The following SLX4 variants were observed in gnomAD, a reference collection of about 807,000 sequenced individuals.
The protein encoded by SLX4 is SLX4 structure-specific endonuclease subunit, also known as structure-specific endonuclease subunit SLX4.
A neutral mutation model predicts 146.2 loss-of-function variants in SLX4; 112 were observed. The ratio of observed to expected loss-of-function variants is 0.77; its 90% CI spans 0.66 to 0.90. The LOEUF is 0.90. SLX4 is among the 40% of genes least tolerant of loss of function. The pLI is 0.00. For synonymous variants in SLX4, 1,061 were observed against 997.7 expected (o/e 1.06, Z -1.20); for missense variants, 2,563 against 2,392.7 (o/e 1.07, Z -1.49).
chr16:3,585,894 T>G (rs1445693251), intron 12 of SLX4, among the ~76,000 whole-genome samples: 2 of 151,096 alleles, frequency 1.3e-5, no homozygotes, highest in Non-Finnish European at 2.9e-5. Flanking sequence ...TTCCAGCTAC[T>G]CGGGAGGCTG....
Position 3,594,579 on chromosome 16 carries a change from A to C in SLX4, c.2034T>G (p.Val678=), listed in dbSNP as rs200278096. 6.1e-5 allele frequency: 99 copies of C among 1,614,098 alleles called. No homozygotes were observed. In the East Asian group the frequency reaches 2.1e-3, roughly 35 times the overall value. The change falls in exon 10 of 15, where the codon GTT becomes GTG. Residue 678 remains valine (V), a synonymous_variant. Coordinates refer to ENST00000294008, the MANE Select transcript of SLX4 (RefSeq NM_032444.4). Reference sequence around the variant, plus strand: ...TATTGACCATGGCGCCAAAGTCAGCAACCAGCAGCCCGAGGGAGAGCTGAA... The same window carrying C: ...TATTGACCATGGCGCCAAAGTCAGCCACCAGCAGCCCGAGGGAGAGCTGAA... ...GRTLLSLGLL[V]ADFGAMVNNP...
chr16:3,600,334 C>G (rs1289504698), intron 5 of SLX4, among the ~76,000 whole-genome samples: 2 of 152,122 alleles, frequency 1.3e-5, no homozygotes, highest in African/African-American at 4.8e-5. Flanking sequence ...CGGTACTGGT[C>G]CGAGGCTGGG....
intron 12 of SLX4, 104 bp from the exon 13 acceptor site, chr16:3,584,975 C>G (rs1394974240): frequency 4.5e-6 from 4 of 898,734 alleles, no homozygotes; most frequent in Middle Eastern, 2.2e-4. Flanking sequence ...TGAAGATAAC[C>G]CAAGCATCGT....
At chr16:3,594,078 A>AGCCG (rs1258093616) in intron 10 of SLX4, among the ~76,000 whole-genome samples, 2 of 152,018 alleles carry the variant, frequency 1.3e-5, no homozygotes, top group Non-Finnish European at 2.9e-5. Context: ...TCACTGTGTT[A>AGCCG]GGATGGTCTT....
chr16:3,597,296 G>A lies in SLX4; in HGVS notation c.1683+83C>T. ...TTCCTTCCTGGACTTTCCATCACCT[G>A]GCTGTGGGTACCCAGTGTTGCAGTT... On this transcript the variant is annotated intron_variant, in intron 7 of 14. Transcript: ENST00000294008. The surrounding 1 kb of genome is among the most constrained non-coding windows in gnomAD (Gnocchi z 4.4). The A allele has an allele frequency of 7.1e-7, 1 of 1,413,954 alleles. No homozygotes were observed. The highest frequency in any genetic ancestry group is 2.5e-5 in the East Asian group (1 of 39,894). 87.6% of individuals were successfully genotyped at this position (1,413,954 alleles called of 1,614,324 possible).
chr16:3,589,277 G>A lies in SLX4; in HGVS notation c.4361C>T (p.Pro1454Leu). 6.3e-7 allele frequency: 1 copy of A among 1,596,092 alleles called. No homozygotes were observed. Among genetic ancestry groups the A allele is most frequent in the Non-Finnish European group, 8.6e-7 (1 of 1,169,506 alleles). The change falls in exon 12 of 15, where the codon CCC becomes CTC. Residue 1454 changes from proline to leucine, a missense_variant. By Grantham distance (98) the Pro-to-Leu change is moderately conservative. Transcript: ENST00000294008. The surrounding 1 kb of genome is among the most constrained non-coding windows in gnomAD (Gnocchi z 6.2). ...ERTGPLSTSS[P>L]SRRMNEAADS... ...GGCGGCCTCGTTCATCCTGCGGCTG[G>A]GGCTGCTGGTGCTCAGGGGGCCGGT...
Position 3,582,422 on chromosome 16 carries a change from T to C in SLX4, c.5425A>G (p.Thr1809Ala), listed in dbSNP as rs1032558172. The change falls in exon 15 of 15, where the codon ACC becomes GCC. Residue 1809 changes from threonine (T) to alanine (A), a missense_variant. By Grantham distance (58) the Thr-to-Ala change is moderately conservative. Coordinates refer to ENST00000294008, the MANE Select transcript of SLX4 (RefSeq NM_032444.4). The stretch of plus-strand genomic sequence containing the variant: ...TTCTCCCTGCGGGTGGCGGCAGTGG[T>C]GAAGGTGATACAGTGGGTGTCCAGG... ...DFLDTHCITFTTAATRREKLQ... is the reference protein window; with the variant it reads ...DFLDTHCITFATAATRREKLQ... 9 of 1,613,710 alleles carry C rather than the reference T, an allele frequency of 5.6e-6. No individual in the cohort carries two copies. The highest frequency in any genetic ancestry group is 6.8e-6 in the Non-Finnish European group (8 of 1,180,006).
Position 3,606,573 on chromosome 16 carries a change from G to C in SLX4, c.661C>G (p.Pro221Ala). The change falls in exon 3 of 15, where the codon CCC becomes GCC. Residue 221 changes from proline to alanine, a missense_variant. Physicochemically the swap from Pro to Ala is conservative, Grantham distance 27. Coordinates refer to ENST00000294008, the MANE Select transcript of SLX4 (RefSeq NM_032444.4). ...TCTGAAGCGTGTCTCAAACGCTCGGGGTCTGCTCTCTTGAACTGCTGCATT... is the reference window on the plus strand; with the variant it reads ...TCTGAAGCGTGTCTCAAACGCTCGGCGTCTGCTCTCTTGAACTGCTGCATT... Reference protein sequence around the residue: ...QRMQQFKRADPERLRHASEEC... With the variant: ...QRMQQFKRADAERLRHASEEC... The C allele has an allele frequency of 1.9e-6, 3 of 1,614,120 alleles. No individual in the cohort carries two copies. Among genetic ancestry groups the C allele is most frequent in the South Asian group, 2.2e-5 (2 of 91,086 alleles).
chr16:3,605,680 G>A (rs1426477035), intron 3 of SLX4, among the ~76,000 whole-genome samples: 1 of 151,820 alleles, frequency 6.6e-6, no homozygotes, highest in Non-Finnish European at 1.5e-5. Flanking sequence ...AGGCACAGTG[G>A]CTCACGCCTG....
At position 3,606,528 on chromosome 16, in the gene SLX4, C is replaced by T. The variant is rs1198376280; in HGVS notation, c.706G>A (p.Ala236Thr). The T allele has an allele frequency of 6.2e-7, 1 of 1,614,256 alleles. No individual in the cohort carries two copies. The highest frequency in any genetic ancestry group is 8.5e-7 in the Non-Finnish European group (1 of 1,180,054). The change falls in exon 3 of 15, where the codon GCG becomes ACG. Residue 236 changes from alanine (A) to threonine (T), a missense_variant. Ala to Thr is a moderately conservative substitution (Grantham distance 58). Coordinates refer to ENST00000294008, the MANE Select transcript of SLX4 (RefSeq NM_032444.4). ...HASEECSLEA[A>T]REENVPKDPQ... ...TCCTTTGGGACATTTTCTTCCCGCG[C>T]AGCCTCGAGGGAGCACTCTTCTGAA...
chr16:3,596,615 AG>A (rs969479756), intron 7 of SLX4, among the ~76,000 whole-genome samples: 1 of 152,198 alleles, frequency 6.6e-6, no homozygotes, highest in Non-Finnish European at 1.5e-5. Flanking sequence ...GTCACGGCCA[AG>A]GCCAGGCCTG....
intron 10 of SLX4, among the ~76,000 whole-genome samples, chr16:3,593,508 G>A (rs909890785): frequency 3.3e-5 from 5 of 152,202 alleles, no homozygotes; most frequent in Non-Finnish European, 7.3e-5. Context: ...ATGAGCCGCC[G>A]TGCCTGGTCC....
rs771963121 is a variant in SLX4 at position 3,608,615 on chromosome 16, G to T, written c.350C>A (p.Ala117Asp). 1.2e-6 allele frequency: 2 copies of T among 1,614,168 alleles called. No individual in the cohort carries two copies. The highest frequency in any genetic ancestry group is 1.7e-6 in the Non-Finnish European group (2 of 1,180,028). Residue 117 changes from alanine to aspartate, a missense_variant, in exon 2 of 15, where the codon GCC (alanine) becomes GAC (aspartate). By Grantham distance (126) the Ala-to-Asp change is moderately radical. Coordinates refer to ENST00000294008, the MANE Select transcript of SLX4 (RefSeq NM_032444.4). Reference sequence around the variant, plus strand: ...TACCCTTTGCTTTTTAGTCCTAGGGGCCTGGCTGCCAGACGGAGGTTTCTT... The same window carrying T: ...TACCCTTTGCTTTTTAGTCCTAGGGTCCTGGCTGCCAGACGGAGGTTTCTT... ...AEKKPPSGSQ[A>D]PRTKKQRVTK...
At position 3,594,498 on chromosome 16, in the gene SLX4, GGCGTAAA is replaced by G; in HGVS notation, c.2108_2114del (p.Leu703ProfsTer17). ...ATCGGGCATAAAGCACGAACTTGTG[GGCGTAAA>G]GCACCTCCCCGCTGTCCGTCTGAAA... On this transcript the variant is annotated frameshift_variant, in exon 10 of 15. Coordinates refer to ENST00000294008, the MANE Select transcript of SLX4 (RefSeq NM_032444.4). LOFTEE classifies it high-confidence loss of function. 1 of 1,614,086 alleles carries G rather than the reference GGCGTAAA, an allele frequency of 6.2e-7. No homozygotes were observed. The highest frequency in any genetic ancestry group is 8.5e-7 in the Non-Finnish European group (1 of 1,180,000).
chr16:3,602,796 C>T (rs958081402), intron 3 of SLX4, among the ~76,000 whole-genome samples: 11 of 152,202 alleles, frequency 7.2e-5, no homozygotes, highest in African/African-American at 2.4e-4. Flanking sequence ...CATGATAAAA[C>T]CAGGGCAGAG....
In SLX4 at chr16:3,601,017, T is replaced by C. The variant is rs369510675; in HGVS notation, c.1125A>G (p.Thr375=). The C allele has an allele frequency of 3.7e-6, 6 of 1,613,934 alleles. No individual in the cohort carries two copies. The highest frequency in any genetic ancestry group is 5.1e-6 in the Non-Finnish European group (6 of 1,180,030). ...QLLLQAVRLQ[T]AQPEGSSSPP... is the part of the protein sequence containing the mutation. ...GGCTGCTGCTACCCTCAGGCTGTGC[T>C]GTCTGCAGCCGCACAGCCTGAAGCA... The change falls in exon 5 of 15, where the codon ACA becomes ACG. Residue 375 remains threonine, a synonymous_variant. Coordinates refer to ENST00000294008, the MANE Select transcript of SLX4 (RefSeq NM_032444.4).
chr16:3,582,084 G>A lies in SLX4; in HGVS notation c.*258C>T. The A allele has an allele frequency of 7.0e-6, 4 of 574,984 alleles. No homozygotes were observed. The highest frequency in any genetic ancestry group is 1.2e-5 in the Non-Finnish European group (4 of 322,430). 35.6% of individuals were successfully genotyped at this position (574,984 alleles called of 1,614,324 possible). A position where few individuals can be genotyped will look rare whatever the true frequency, so the allele number is the denominator to read the frequency against. On this transcript the variant is annotated 3_prime_UTR_variant, in exon 15 of 15. Transcript: ENST00000294008. ...AAAACCAAAAAGGGAGACACACTGT[G>A]AGCACGGACAGAGGAAGGGGCTGGA...
At position 3,589,423 on chromosome 16, in the gene SLX4, G is replaced by C; in HGVS notation, c.4215C>G (p.Ala1405=). ...GGGGGCTTCTGTTGGCCTGATGGGA[G>C]GCCACCTCCTGCTCATCGTCACTGT... ...VGDSDDEQEV[A]SHQANRSPPL... The change falls in exon 12 of 15, where the codon GCC becomes GCG. Residue 1405 remains alanine, a synonymous_variant. Coordinates refer to ENST00000294008, the MANE Select transcript of SLX4 (RefSeq NM_032444.4). The surrounding 1 kb of genome is among the most constrained non-coding windows in gnomAD (Gnocchi z 6.2). The C allele has an allele frequency of 6.2e-7, 1 of 1,602,740 alleles. No homozygotes were observed. The highest frequency in any genetic ancestry group is 8.5e-7 in the Non-Finnish European group (1 of 1,171,498).
chr16:3,603,009 T>C (rs1437754967), intron 3 of SLX4, among the ~76,000 whole-genome samples: 1 of 152,200 alleles, frequency 6.6e-6, no homozygotes, highest in Non-Finnish European at 1.5e-5. Flanking sequence ...TGCCTGCCAC[T>C]GAGGCCAGCA....
Sources: allele counts gnomAD v4.1 joint callset (sites outside exome capture counted in the v4.1 genomes callset), GRCh38; gene constraint gnomAD v4.1.1; non-coding constraint Gnocchi (gnomAD v3.1); transcripts MANE v1.5; gene names NCBI Gene and HGNC (gene_info 2026-07-23, HGNC 2026-07-21).